Variants in PARD3B observed in about 807,000 individuals in gnomAD.
PARD3B encodes partitioning defective 3 homolog B.
A neutral mutation model predicts 130.2 loss-of-function variants in PARD3B; 103 were observed. The observed-to-expected ratio is 0.79, with a 90% CI of 0.67 to 0.93. PARD3B has a LOEUF of 0.93. PARD3B is among the 40% of genes least tolerant of loss of function. PARD3B has a pLI of 0.00. For synonymous variants in PARD3B, 583 were observed against 553.2 expected (o/e 1.05, Z -0.76); for missense variants, 1,609 against 1,499.2 (o/e 1.07, Z -1.21).
intron 2 of PARD3B, among the ~76,000 whole-genome samples, chr2:204,687,609 C>G (rs528776539): frequency 5.6e-4 from 86 of 152,268 alleles, no homozygotes; most frequent in African/African-American, 1.9e-3. Context: ...TTGATATATA[C>G]TTCCTGTTTA....
chr2:205,175,142 G>C (rs1030611972), intron 12 of PARD3B, among the ~76,000 whole-genome samples: 32 of 152,162 alleles, frequency 2.1e-4, no homozygotes, highest in African/African-American at 7.7e-4. Context: ...AATTAGGCTG[G>C]TTACTGATCA....
chr2:205,048,749 T>A (rs1304952029), intron 4 of PARD3B, among the ~76,000 whole-genome samples: 1 of 152,224 alleles, frequency 6.6e-6, no homozygotes, highest in Non-Finnish European at 1.5e-5. Context: ...AGCTCTTTGC[T>A]AATAGATTTG....
chr2:205,046,898 G>C (rs368915305), intron 3 of PARD3B, among the ~76,000 whole-genome samples: 1 of 152,146 alleles, frequency 6.6e-6, no homozygotes, highest in South Asian at 2.1e-4. Flanking sequence ...AATTTCATTT[G>C]AACTTTCTAA....
At chr2:205,609,047 A>G (rs2055128166) in intron 22 of PARD3B, among the ~76,000 whole-genome samples, 1 of 152,154 alleles carries the variant, frequency 6.6e-6, no homozygotes, top group South Asian at 2.1e-4. Flanking sequence ...TTTTTTCCAT[A>G]ATCATTTCTA....
At position 205,591,828 on chromosome 2, in the gene PARD3B, C is replaced by T. The variant is rs1424525813; in HGVS notation, c.3261-23628C>T. 2.6e-5 allele frequency among the ~76,000 whole-genome samples: 4 copies of T among 152,172 alleles called. No individual in the cohort carries two copies. Among genetic ancestry groups the T allele is most frequent in the Non-Finnish European group, 5.9e-5 (4 of 68,032 alleles). On this transcript the variant is annotated intron_variant, in intron 22 of 22. Transcript: ENST00000406610. This position sits in a 1 kb window ranked among gnomAD's most constrained non-coding sequence, Gnocchi z 4.2. ...AAGCTGTCCGGTTTGGATAAAAATTCAATGTCCTCACAGGCAGAGGAGAGC... is the reference window on the plus strand; with the variant it reads ...AAGCTGTCCGGTTTGGATAAAAATTTAATGTCCTCACAGGCAGAGGAGAGC...
At chr2:205,169,930 C>CTTTTTTTTTTTTTTTTTT (rs200935015) in intron 11 of PARD3B, among the ~76,000 whole-genome samples, 1 of 126,640 alleles carries the variant, frequency 7.9e-6, no homozygotes, top group Non-Finnish European at 1.7e-5. Context: ...TTCCCCCCAC[C>CTTTTTTTTTTTTTTTTTT]CTTTTTTTTT....
In PARD3B at chr2:205,105,900, C is replaced by A. The variant is rs1703174126; in HGVS notation, c.593+1386C>A. Among the ~76,000 whole-genome samples the A allele has an allele frequency of 6.6e-6, 1 of 151,634 alleles. No individual in the cohort carries two copies. Among genetic ancestry groups the A allele is most frequent in the Non-Finnish European group, 1.5e-5 (1 of 67,910 alleles). ...CCTCCAGAAACTAATAAGATTGTTT[C>A]TGGAGGTAGACATAATGATTGTAAT... On this transcript the variant is annotated intron_variant, in intron 5 of 22. Coordinates refer to ENST00000406610, the MANE Select transcript of PARD3B (RefSeq NM_001302769.2). This position sits in a 1 kb window ranked among gnomAD's most constrained non-coding sequence, Gnocchi z 4.0.
intron 2 of PARD3B, among the ~76,000 whole-genome samples, chr2:204,744,658 A>G (rs1277263673): frequency 6.6e-6 from 1 of 152,104 alleles, no homozygotes; most frequent in African/African-American, 2.4e-5. Context: ...TCTCTAAGAC[A>G]AGGGATATCA....
Position 204,693,213 on chromosome 2 carries a change from T to G in PARD3B, c.222+6931T>G, listed in dbSNP as rs535129046. On this transcript the variant is annotated intron_variant, in intron 2 of 22. Transcript: ENST00000406610. ...ATTCTTTCCTTTATCCTTTCCCATA[T>G]GTTTGTTTTTGTCTTTGAATTTCCA... is the stretch of plus-strand genomic sequence containing the variant. Among the ~76,000 whole-genome samples the G allele has an allele frequency of 2.0e-5, 3 of 152,194 alleles. No homozygotes were observed. In the East Asian group the frequency reaches 5.8e-4, roughly 29 times the overall value.
chr2:204,843,490 A>G (rs1217400176), intron 2 of PARD3B, among the ~76,000 whole-genome samples: 1 of 151,988 alleles, frequency 6.6e-6, no homozygotes, highest in Non-Finnish European at 1.5e-5. Context: ...GTGGGGTTCA[A>G]GTGACTCTCC....
At chr2:205,457,740 C>G (rs2048323186) in intron 20 of PARD3B, among the ~76,000 whole-genome samples, 1 of 151,674 alleles carries the variant, frequency 6.6e-6, no homozygotes, top group Non-Finnish European at 1.5e-5. Context: ...CCATTGTTTT[C>G]TAACTTTCAA....
At chr2:205,374,463 G>T (rs2044954899) in intron 18 of PARD3B, among the ~76,000 whole-genome samples, 1 of 152,060 alleles carries the variant, frequency 6.6e-6, no homozygotes, top group Non-Finnish European at 1.5e-5. Flanking sequence ...TTGAACCCCT[G>T]ACCTCATGAT....
intron 1 of PARD3B, among the ~76,000 whole-genome samples, chr2:204,583,704 G>T (rs186987857): frequency 6.6e-6 from 1 of 151,004 alleles, no homozygotes; most frequent in African/African-American, 2.4e-5. Flanking sequence ...GACCACCTGC[G>T]TGAGAATCCC....
intron 15 of PARD3B, among the ~76,000 whole-genome samples, chr2:205,239,087 G>T (rs1375177182): frequency 3.3e-5 from 5 of 151,068 alleles, no homozygotes; most frequent in Admixed American, 3.3e-4. Context: ...ATCCTATGAG[G>T]CCTTATCTAC....
At chr2:205,042,202 T>C (rs1698439603) in intron 3 of PARD3B, among the ~76,000 whole-genome samples, 1 of 152,168 alleles carries the variant, frequency 6.6e-6, no homozygotes, top group Non-Finnish European at 1.5e-5. Context: ...GGGACATGGA[T>C]CAGTACCTGG....
Position 205,300,860 on chromosome 2 carries a change from A to G in PARD3B, c.2392+124A>G, listed in dbSNP as rs1186528241. On this transcript the variant is annotated intron_variant, in intron 17 of 22. Transcript: ENST00000406610. The surrounding 1 kb of genome is among the most constrained non-coding windows in gnomAD (Gnocchi z 4.1). Reference sequence around the variant, plus strand: ...GGATCACAATTATATTTTTGATATTAAAAGTAATTCATTTTCCTGATATGT... The same window carrying G: ...GGATCACAATTATATTTTTGATATTGAAAGTAATTCATTTTCCTGATATGT... The G allele has an allele frequency of 9.4e-7, 1 of 1,059,272 alleles. No homozygotes were observed. Among genetic ancestry groups the G allele is most frequent in the Non-Finnish European group, 1.3e-6 (1 of 753,634 alleles). The allele number at this position is 1,059,272 out of a possible 1,614,324, so 65.6% of individuals were successfully genotyped here.
intron 4 of PARD3B, among the ~76,000 whole-genome samples, chr2:205,097,076 A>G (rs1702444127): frequency 6.6e-6 from 1 of 152,170 alleles, no homozygotes; most frequent in African/African-American, 2.4e-5. Context: ...TTCTTCGACA[A>G]GATAGTCATC....
At chr2:204,764,636 A>T (rs1237300090) in intron 2 of PARD3B, among the ~76,000 whole-genome samples, 1 of 151,742 alleles carries the variant, frequency 6.6e-6, no homozygotes, top group Non-Finnish European at 1.5e-5. Context: ...ATGTAACTGG[A>T]TGTTAGTACT....
chr2:205,387,768 G>A (rs188179022), intron 18 of PARD3B, among the ~76,000 whole-genome samples: 10 of 152,288 alleles, frequency 6.6e-5, no homozygotes, highest in East Asian at 5.8e-4. Context: ...GAGACCAGAA[G>A]CATTAAATCC....
Sources: allele counts gnomAD v4.1 joint callset (sites outside exome capture counted in the v4.1 genomes callset), GRCh38; gene constraint gnomAD v4.1.1; non-coding constraint Gnocchi (gnomAD v3.1); transcripts MANE v1.5; gene names NCBI Gene and HGNC (gene_info 2026-07-23, HGNC 2026-07-21).